The following GRID2 variants were observed in gnomAD, a reference collection of about 807,000 sequenced individuals.
GRID2 encodes glutamate ionotropic receptor delta type subunit 2.
GRID2 carries 33 observed loss-of-function variants against 114.8 expected under a neutral mutation model. The observed-to-expected ratio is 0.29, with a 90% confidence interval of 0.22 to 0.38. GRID2 has a LOEUF of 0.38. GRID2 is among the 10% of genes least tolerant of loss of function. The pLI, the probability that GRID2 is intolerant of heterozygous loss-of-function variation, is 1.00. For synonymous variants in GRID2, 505 were observed against 449.9 expected, an observed-to-expected ratio of 1.12 and a Z score of -1.55; for missense variants, 1,184 against 1,257.7, an observed-to-expected ratio of 0.94 and a Z score of 0.89.
chr4:92,623,568 T>G (rs967185269), intron 2 of GRID2, among the ~76,000 whole-genome samples: 4 of 151,788 alleles, frequency 2.6e-5, no homozygotes, highest in Non-Finnish European at 5.9e-5. Flanking sequence ...TGGAATAAAA[T>G]GTGTGTATCT....
chr4:92,456,807 C>A (rs1279178334), intron 1 of GRID2, among the ~76,000 whole-genome samples: 1 of 152,132 alleles, frequency 6.6e-6, no homozygotes, highest in Non-Finnish European at 1.5e-5. Context: ...ATGATAACAA[C>A]TTAACTATGT....
chr4:93,798,159 G>GA (rs944495055), intron 1 of GRID2, among the ~76,000 whole-genome samples: 2 of 151,360 alleles, frequency 1.3e-5, no homozygotes, highest in Non-Finnish European at 2.9e-5. Context: ...TTCTCAAGAA[G>GA]AAAAAAAATA....
At chr4:93,064,977 T>C (rs1350802940) in intron 2 of GRID2, among the ~76,000 whole-genome samples, 6 of 151,914 alleles carry the variant, frequency 3.9e-5, no homozygotes, top group Admixed American at 6.6e-5. Context: ...ATGGAAATGA[T>C]ACTCTTCAAA....
At position 93,581,120 on chromosome 4, in the gene GRID2, C is replaced by T. The variant is rs111481639; in HGVS notation, c.2194-45149C>T. ...AGTCCCCCACCCCCCAACAGCCCCC[C>T]GTGTGTAGTGTTCCCCTCCCTGTGT... is the stretch of plus-strand genomic sequence containing the variant. On this transcript the variant is annotated intron_variant, in intron 13 of 15. Transcript: ENST00000282020. Among the ~76,000 whole-genome samples the T allele has an allele frequency of 1.0e-4, 15 of 148,208 alleles. No homozygotes were observed. The East Asian group carries it at 2.8e-3, about 28-fold the overall frequency.
intron 7 of GRID2, among the ~76,000 whole-genome samples, chr4:93,231,428 A>G (rs1260876428): frequency 6.6e-6 from 1 of 151,254 alleles, no homozygotes; most frequent in Non-Finnish European, 1.5e-5. Context: ...GCCAGTAGTG[A>G]ATATTGACTA....
At chr4:93,691,042 A>G (rs1159848885) in intron 14 of GRID2, among the ~76,000 whole-genome samples, 1 of 150,586 alleles carries the variant, frequency 6.6e-6, no homozygotes, top group African/African-American at 2.4e-5. Flanking sequence ...TTGACTTTTA[A>G]TAAACACTTG....
At chr4:92,376,164 G>T (rs948190167) in intron 1 of GRID2, among the ~76,000 whole-genome samples, 3 of 151,756 alleles carry the variant, frequency 2.0e-5, no homozygotes, top group Non-Finnish European at 4.4e-5. Context: ...CAAAAAATTA[G>T]CCCGGTGTGT....
chr4:92,323,006 C>G (rs1320997987), intron 1 of GRID2, among the ~76,000 whole-genome samples: 4 of 152,002 alleles, frequency 2.6e-5, no homozygotes, highest in Non-Finnish European at 5.9e-5. Flanking sequence ...TAATTGAGTG[C>G]AACTTCTAGC....
chr4:92,939,187 T>G (rs1205811379), intron 2 of GRID2, among the ~76,000 whole-genome samples: 1 of 147,426 alleles, frequency 6.8e-6, no homozygotes, highest in Admixed American at 7.3e-5. Context: ...ACCAACAGTG[T>G]AAAAGTGTTC....
intron 12 of GRID2, among the ~76,000 whole-genome samples, chr4:93,505,439 C>T (rs1439348001): frequency 6.6e-6 from 1 of 151,444 alleles, no homozygotes; most frequent in East Asian, 1.9e-4. Context: ...GTATTTCTTC[C>T]TAGTGTCTTG....
chr4:92,735,480 G>C (rs1288095914), intron 2 of GRID2, among the ~76,000 whole-genome samples: 1 of 152,056 alleles, frequency 6.6e-6, no homozygotes, highest in African/African-American at 2.4e-5. Flanking sequence ...GTTGACAGCA[G>C]GTGACTGAAA....
chr4:92,982,583 C>T (rs1158606275), intron 2 of GRID2, among the ~76,000 whole-genome samples: 1 of 151,992 alleles, frequency 6.6e-6, no homozygotes, highest in Non-Finnish European at 1.5e-5. Context: ...ACCATCAATG[C>T]CTTAGTTCAT....
intron 1 of GRID2, among the ~76,000 whole-genome samples, chr4:92,421,901 C>G (rs1164415562): frequency 6.6e-6 from 1 of 152,124 alleles, no homozygotes; most frequent in Non-Finnish European, 1.5e-5. Flanking sequence ...GGTGAAAAGA[C>G]AGAAAAAGTT....
At chr4:92,837,076 G>A (rs943460828) in intron 2 of GRID2, among the ~76,000 whole-genome samples, 3 of 152,014 alleles carry the variant, frequency 2.0e-5, no homozygotes, top group Non-Finnish European at 4.4e-5. Flanking sequence ...TGCTTCAGTC[G>A]AGGAGATGGG....
chr4:93,373,911 T>C (rs369448307), intron 8 of GRID2, among the ~76,000 whole-genome samples: 4 of 152,330 alleles, frequency 2.6e-5, no homozygotes, highest in African/African-American at 9.6e-5. Context: ...AGGAAATACT[T>C]GAAATAAGTG....
chr4:93,425,497 AAAT>A (rs1478594898), intron 10 of GRID2, among the ~76,000 whole-genome samples: 13 of 152,272 alleles, frequency 8.5e-5, no homozygotes, highest in African/African-American at 2.9e-4. Flanking sequence ...AAGGAACTCA[AAAT>A]TCAATCTGTA....
chr4:93,807,388 C>G (rs779517729), exon 2 of GRID2: 11 of 152,164 alleles, frequency 7.2e-5, no homozygotes, highest in Non-Finnish European at 1.5e-4. Flanking sequence ...GGTTAAACAT[C>G]TTTGGAGGTT....
rs1211339111 is a variant in GRID2, at chr4:92,588,657, C to A, written c.89-1474C>A. 3.8e-5 allele frequency among the ~76,000 whole-genome samples: 4 copies of A among 104,428 alleles called. No individual in the cohort carries two copies. The South Asian group carries it at 1.3e-3, about 34-fold the overall frequency. The allele number at this position is 104,428 out of a possible 152,430, so 68.5% of individuals were successfully genotyped here. A position where few individuals can be genotyped will look rare whatever the true frequency, so the allele number is the denominator to read the frequency against. ...TGGCGCCACTGCACTCCAGCCTGGG[C>A]AACAGAGTGAGACTCCGTCTCAAAA... On this transcript the variant is annotated intron_variant, in intron 1 of 15. Transcript: ENST00000282020.
chr4:93,051,132 T>C (rs1417223359), intron 2 of GRID2, among the ~76,000 whole-genome samples: 1 of 152,032 alleles, frequency 6.6e-6, no homozygotes, highest in Non-Finnish European at 1.5e-5. Flanking sequence ...GTAATGACCA[T>C]TGCTAGTAAT....
Sources: allele counts gnomAD v4.1 joint callset (sites outside exome capture counted in the v4.1 genomes callset), GRCh38; gene constraint gnomAD v4.1.1; transcripts MANE v1.5; gene names NCBI Gene and HGNC (gene_info 2026-07-23, HGNC 2026-07-21).